ZNF804B: variants seen among roughly 807,000 people sequenced by gnomAD.
ZNF804B encodes the protein zinc finger protein 804B, also known as zinc finger 804B.
ZNF804B carries 80 observed loss-of-function variants against 101.4 expected under a neutral mutation model. The observed-to-expected ratio is 0.79, with a 90% CI of 0.66 to 0.95. The LOEUF (loss-of-function observed/expected upper bound fraction) is 0.95, where lower values mean the gene tolerates loss of function less well. Among genes scored for constraint, ZNF804B ranks in the 40% least tolerant of loss-of-function variants. ZNF804B has a pLI of 0.00. For missense variants in ZNF804B, 1,673 were observed against 1,561.9 expected (o/e 1.07, Z -1.20); for synonymous variants, 622 against 558.8 (o/e 1.11, Z -1.59).
At chr7:89,194,962 A>G (rs998913757) in intron 1 of ZNF804B, among the ~76,000 whole-genome samples, 74 of 152,238 alleles carry the variant, frequency 4.9e-4, no homozygotes, top group African/African-American at 1.7e-3. Flanking sequence ...ATGTTCTTCC[A>G]TTTGTTTGTA....
At chr7:89,319,575 A>G (rs1790787671) in intron 2 of ZNF804B, among the ~76,000 whole-genome samples, 1 of 152,188 alleles carries the variant, frequency 6.6e-6, no homozygotes. Flanking sequence ...GAGCCTGTTT[A>G]CGCGTGAAAA....
chr7:89,167,076 A>G (rs2116427850), intron 1 of ZNF804B, among the ~76,000 whole-genome samples: 1 of 152,184 alleles, frequency 6.6e-6, no homozygotes, highest in East Asian at 1.9e-4. Context: ...CATTTATGAC[A>G]TACCTTTTTC....
rs1197188847 is a variant in ZNF804B, at chr7:88,868,378, TTTGAG to T, written c.108+108296_108+108300del. Among the ~76,000 whole-genome samples the T allele has an allele frequency of 1.6e-4, 24 of 152,306 alleles. No homozygotes were observed. In the South Asian group the frequency reaches 2.5e-3, roughly 16 times the overall value. On this transcript the variant is annotated intron_variant, in intron 1 of 3. Transcript: ENST00000333190. ...CTGATGTTAGGACAGAATAAAGGTA[TTTGAG>T]TATAATATGTAATCTATTATTTTCT...
At chr7:88,985,032 T>C (rs1371065350) in intron 1 of ZNF804B, among the ~76,000 whole-genome samples, 2 of 152,006 alleles carry the variant, frequency 1.3e-5, no homozygotes, top group African/African-American at 4.8e-5. Flanking sequence ...TCATTCATAG[T>C]TTTCATTTGA....
At chr7:88,975,829 C>T (rs1036283203) in intron 1 of ZNF804B, among the ~76,000 whole-genome samples, 1 of 151,130 alleles carries the variant, frequency 6.6e-6, no homozygotes, top group Admixed American at 6.6e-5. Context: ...TTGAGTAATA[C>T]CCCCAAAGTG....
intron 1 of ZNF804B, among the ~76,000 whole-genome samples, chr7:89,079,288 G>A (rs1789659619): frequency 6.6e-6 from 1 of 151,934 alleles, no homozygotes; most frequent in African/African-American, 2.4e-5. Context: ...CTACCCAGGG[G>A]CAGCCTCTAG....
At chr7:88,881,058 T>C (rs1311865135) in intron 1 of ZNF804B, among the ~76,000 whole-genome samples, 3 of 152,000 alleles carry the variant, frequency 2.0e-5, no homozygotes, top group African/African-American at 4.8e-5. Flanking sequence ...ATTTCCCAAA[T>C]AGTGTTTTAA....
chr7:88,807,279 AT>A (rs746342577), intron 1 of ZNF804B, among the ~76,000 whole-genome samples: 3 of 152,236 alleles, frequency 2.0e-5, no homozygotes, highest in East Asian at 3.9e-4. Flanking sequence ...ATAGTTAAGC[AT>A]TTTTTTAATA....
intron 1 of ZNF804B, 124 bp downstream of exon 1, chr7:88,760,208 C>A: frequency 2.7e-6 from 2 of 734,884 alleles, no homozygotes; most frequent in Non-Finnish European, 4.7e-6. Flanking sequence ...TATACCTTAT[C>A]CATAGGTATG....
chr7:88,791,905 C>T (rs961001941), intron 1 of ZNF804B, among the ~76,000 whole-genome samples: 1 of 152,088 alleles, frequency 6.6e-6, no homozygotes, highest in African/African-American at 2.4e-5. Flanking sequence ...CTCATTTCTT[C>T]TCCACACAAT....
At chr7:89,257,477 C>A (rs1337445455) in intron 2 of ZNF804B, among the ~76,000 whole-genome samples, 1 of 151,998 alleles carries the variant, frequency 6.6e-6, no homozygotes, top group Non-Finnish European at 1.5e-5. Context: ...ATGCCCAGAT[C>A]ATGTTGTATT....
At chr7:88,865,931 CA>C (rs1413893613) in intron 1 of ZNF804B, among the ~76,000 whole-genome samples, 1 of 152,194 alleles carries the variant, frequency 6.6e-6, no homozygotes, top group Non-Finnish European at 1.5e-5. Flanking sequence ...ATACTTATCA[CA>C]TTGGTTTAAT....
intron 2 of ZNF804B, among the ~76,000 whole-genome samples, chr7:89,245,257 C>G (rs780010665): frequency 9.2e-5 from 14 of 151,914 alleles, no homozygotes; most frequent in Non-Finnish European, 1.6e-4. Flanking sequence ...AAAAAATAAA[C>G]TTCTAGGATT....
intron 1 of ZNF804B, among the ~76,000 whole-genome samples, chr7:88,962,826 CT>C (rs1279795897): frequency 6.8e-6 from 1 of 147,330 alleles, no homozygotes; most frequent in East Asian, 2.0e-4. Context: ...CAAACATTAG[CT>C]TAGTAGTTTT....
At position 88,877,021 on chromosome 7, in the gene ZNF804B, T is replaced by TA. The variant is rs1190315867; in HGVS notation, c.108+116938dup. On this transcript the variant is annotated intron_variant, in intron 1 of 3. Transcript: ENST00000333190. ...TTGAAAAAAAAAATATATATATATA[T>TA]ATATAATATATATATATATATATAT... Among the ~76,000 whole-genome samples the TA allele has an allele frequency of 4.4e-3, 323 of 73,862 alleles. 6 individuals are homozygous for TA. Among genetic ancestry groups the TA allele is most frequent in the African/African-American group, 0.02 (233 of 11,680 alleles). 48.5% of individuals were successfully genotyped at this position (73,862 alleles called of 152,430 possible).
intron 1 of ZNF804B, among the ~76,000 whole-genome samples, chr7:88,776,092 TGTG>T (rs1341837681): frequency 2.6e-5 from 4 of 152,208 alleles, no homozygotes. Context: ...GTTGTTCACT[TGTG>T]GTGTTACTTG....
chr7:88,856,721 C>T (rs1791565207), intron 1 of ZNF804B, among the ~76,000 whole-genome samples: 1 of 152,042 alleles, frequency 6.6e-6, no homozygotes, highest in South Asian at 2.1e-4. Flanking sequence ...TTTGCCCATT[C>T]AGTATGATAT....
chr7:88,968,653 A>C (rs144624155), intron 1 of ZNF804B, among the ~76,000 whole-genome samples: 6 of 151,780 alleles, frequency 4.0e-5, no homozygotes, highest in Non-Finnish European at 1.5e-5. Context: ...TTATGGAAGA[A>C]TAAGGTGCAT....
At chr7:89,011,531 T>C (rs369873857) in intron 1 of ZNF804B, among the ~76,000 whole-genome samples, 3 of 152,252 alleles carry the variant, frequency 2.0e-5, no homozygotes, top group South Asian at 2.1e-4. Flanking sequence ...GCTTCCTAGA[T>C]ACAATAGAGA....
Sources: gnomAD v4.1 joint callset for allele counts (sites outside exome capture counted in the v4.1 genomes callset) on GRCh38, gnomAD v4.1.1 for gene constraint, MANE v1.5 for transcripts, NCBI Gene and HGNC (gene_info 2026-07-23, HGNC 2026-07-21) for gene names.